Variants in ESPL1 observed in about 807,000 individuals in gnomAD.
ESPL1 encodes separin.
In ESPL1, 50 loss-of-function variants were observed where a neutral mutation model predicts 217.2. The observed-to-expected ratio is 0.23, with a 90% confidence interval of 0.18 to 0.29. ESPL1 has a LOEUF of 0.29. Ranked by LOEUF, ESPL1 falls within the 10% of genes least tolerant of loss-of-function variation. The pLI, the probability that ESPL1 is intolerant of heterozygous loss-of-function variation, is 1.00. For synonymous variants in ESPL1, 994 were observed against 1,081.3 expected (o/e 0.92, Z 1.58); for missense variants, 1,834 against 2,603.0 (o/e 0.70, Z 6.43).
At chr12:53,283,015 C>T in intron 14 of ESPL1, 114 bp from the exon 15 acceptor site, 1 of 1,364,488 alleles carries the variant, frequency 7.3e-7, no homozygotes. Flanking sequence ...GATTGATTAG[C>T]TCTGCCTGCC....
At position 53,286,789 on chromosome 12, in the gene ESPL1, C is replaced by T. The variant is rs113736228; in HGVS notation, c.4053C>T (p.Asp1351=). The change falls in exon 18 of 31, where the codon GAC becomes GAT. Residue 1351 remains aspartate, a synonymous_variant. Transcript: ENST00000257934. The surrounding 1 kb of genome is among the most constrained non-coding windows in gnomAD (Gnocchi z 5.3). ...TGCCCTGCACACCTAAACCCCCAGA[C>T]CGGATCAGGCAAGCTGGCCCTCATG... The part of the protein sequence containing the change: ...RGLPCTPKPP[D]RIRQAGPHVP... 31 of 1,614,160 alleles carry T rather than the reference C, an allele frequency of 1.9e-5. No homozygotes were observed. The African/African-American group carries it at 2.4e-4, about 12-fold the overall frequency.
rs539894607 is a variant in ESPL1 at position 53,277,563 on chromosome 12, C to T, written c.2179C>T (p.Arg727Cys). 3.0e-5 allele frequency: 49 copies of T among 1,614,120 alleles called. No homozygotes were observed. The highest frequency in any genetic ancestry group is 6.7e-5 in the East Asian group (3 of 44,880). Reference protein sequence around the residue: ...LNYEDKLQEDRFLYSNIAFNL... With the variant: ...LNYEDKLQEDCFLYSNIAFNL... ...CTATGAAGATAAACTCCAGGAAGAT[C>T]GTTTCCTATACAGTAACATTGCCTT... Residue 727 changes from arginine to cysteine, a missense_variant, in exon 10 of 31, where the codon CGT becomes TGT. Around this residue, in one of 5 missense-constraint regions of ESPL1, gnomAD observed 746 missense variants for 1,077.0 expected, o/e 0.69. Transcript: ENST00000257934.
At chr12:53,291,920 T>C (rs1356756678) in intron 26 of ESPL1, 60 bp downstream of exon 26, 1 of 1,597,528 alleles carries the variant, frequency 6.3e-7, no homozygotes, top group Non-Finnish European at 8.6e-7. Flanking sequence ...CTCATCCCCA[T>C]GCCCCTTCTG....
At position 53,286,680 on chromosome 12, in the gene ESPL1, G is replaced by C; in HGVS notation, c.3944G>C (p.Arg1315Pro). 1.2e-6 allele frequency: 2 copies of C among 1,614,128 alleles called. No individual in the cohort carries two copies. Among genetic ancestry groups the C allele is most frequent in the Non-Finnish European group, 1.7e-6 (2 of 1,180,032 alleles). ...CCCTCTAAGACTCAGGGCCAAAAAC[G>C]TTCTGGACGAGGGCGCCAAAAGTTA... ...SEPSKTQGQK[R>P]SGRGRQKLAS... Residue 1315 changes from arginine to proline, a missense_variant, in exon 18 of 31, where the codon CGT becomes CCT. Coordinates refer to ENST00000257934, the MANE Select transcript of ESPL1 (RefSeq NM_012291.5). The surrounding 1 kb of genome is among the most constrained non-coding windows in gnomAD (Gnocchi z 5.3).
chr12:53,269,115 A>G lies in ESPL1; in HGVS notation c.173A>G (p.Asn58Ser). ...QACDAILRAC[N>S]QQLTAKLACP... ...TGTGATGCCATCCTGAGGGCTTGCA[A>G]CCAGCAGCTGACTGCTAAGCTAGCT... Residue 58 changes from asparagine (N) to serine (S), a missense_variant, in exon 3 of 31, where the codon AAC (asparagine) becomes AGC (serine). By Grantham distance (46) the Asn-to-Ser change is conservative. Transcript: ENST00000257934. This position sits in a 1 kb window ranked among gnomAD's most constrained non-coding sequence, Gnocchi z 6.7. 1 of 1,614,110 alleles carries G rather than the reference A, an allele frequency of 6.2e-7. No homozygotes were observed. The highest frequency in any genetic ancestry group is 1.7e-5 in the Admixed American group (1 of 60,016).
intron 13 of ESPL1, 98 bp downstream of exon 13, chr12:53,281,724 A>C: frequency 2.5e-6 from 3 of 1,213,916 alleles, no homozygotes; most frequent in Non-Finnish European, 3.5e-6. Flanking sequence ...CCCTGGAGCT[A>C]GGCAGTATGT....
In ESPL1 at chr12:53,289,388, C is replaced by A. The variant is rs1288034604; in HGVS notation, c.4923-16C>A. 5.0e-6 allele frequency: 8 copies of A among 1,611,808 alleles called. No homozygotes were observed. Among genetic ancestry groups the A allele is most frequent in the Non-Finnish European group, 6.8e-6 (8 of 1,179,188 alleles). Reference sequence around the variant, plus strand: ...TTGAAGGAATGGGACCTCACCCCTCCCCGTGTTGCTTGCAGCAAGGCCCAG... The same window carrying A: ...TTGAAGGAATGGGACCTCACCCCTCACCGTGTTGCTTGCAGCAAGGCCCAG... On this transcript the variant is annotated splice_polypyrimidine_tract_variant and intron_variant, in intron 21 of 30. Transcript: ENST00000257934.
chr12:53,280,971 A>G (rs1943850955), intron 12 of ESPL1, among the ~76,000 whole-genome samples: 2 of 151,586 alleles, frequency 1.3e-5, no homozygotes, highest in South Asian at 4.2e-4. Context: ...CAGCCTGGGC[A>G]ACAAGAGCGA....
At chr12:53,285,561 T>C (rs1943933370) in intron 17 of ESPL1, among the ~76,000 whole-genome samples, 2 of 151,944 alleles carry the variant, frequency 1.3e-5, no homozygotes. Flanking sequence ...TACAAAAAAT[T>C]AGCCGGGCGT....
chr12:53,284,069 T>C lies in ESPL1; in HGVS notation c.3089T>C (p.Phe1030Ser). ...KLQIPRQCALFLVLKGELELA... is the reference protein window; with the variant it reads ...KLQIPRQCALSLVLKGELELA... The stretch of plus-strand genomic sequence containing the variant: ...CCTCTCTCAACAAGGTGTGCCCTGT[T>C]CCTGGTGCTGAAGGGCGAGCTGGAG... The change falls in exon 17 of 31, where the codon TTC becomes TCC. Residue 1030 changes from phenylalanine (F) to serine (S), a missense_variant. Physicochemically the swap from Phe to Ser is radical, Grantham distance 155. Transcript: ENST00000257934. The C allele has an allele frequency of 6.2e-7, 1 of 1,612,570 alleles. No homozygotes were observed. Among genetic ancestry groups the C allele is most frequent in the Non-Finnish European group, 8.5e-7 (1 of 1,178,566 alleles).
chr12:53,283,305 G>A (rs4454760), intron 15 of ESPL1, 48 bp downstream of exon 15: 1,600,275 of 1,613,448 alleles, frequency 0.99, 794,436 homozygotes, highest in East Asian at 1. Context: ...GACAGGCTAT[G>A]TGAGAGGGCT....
At chr12:53,284,511 C>T (rs1943914181) in intron 17 of ESPL1, among the ~76,000 whole-genome samples, 1 of 151,688 alleles carries the variant, frequency 6.6e-6, no homozygotes, top group Non-Finnish European at 1.5e-5. Flanking sequence ...CCGCCTCGGC[C>T]TCCTAAAGTG....
chr12:53,283,589 ACCC>A, intron 16 of ESPL1, 51 bp downstream of exon 16: 3 of 1,526,320 alleles, frequency 2.0e-6, no homozygotes, highest in Non-Finnish European at 2.7e-6. Context: ...AGTGCCATGC[ACCC>A]TTGAACATGG....
rs1317762768 is a variant in ESPL1, at chr12:53,277,528, A to G, written c.2144A>G (p.Asn715Ser). Residue 715 changes from asparagine to serine, a missense_variant, in exon 10 of 31, where the codon AAT becomes AGT. By Grantham distance (46) the Asn-to-Ser change is conservative. Transcript: ENST00000257934. ...GGTAACTTGGAGGAATTTGAAGTCA[A>G]TGACCTGAACTATGAAGATAAACTC... ...APGNLEEFEV[N>S]DLNYEDKLQE... The G allele has an allele frequency of 1.9e-6, 3 of 1,614,170 alleles. No homozygotes were observed. Among genetic ancestry groups the G allele is most frequent in the Non-Finnish European group, 2.5e-6 (3 of 1,179,980 alleles).
At chr12:53,278,067 A>G (rs1943801387) in intron 11 of ESPL1, 107 bp downstream of exon 11, 5 of 1,145,954 alleles carry the variant, frequency 4.4e-6, no homozygotes, top group Non-Finnish European at 6.3e-6. Context: ...CATGAAAGCC[A>G]GTGATGGAAG....
At position 53,276,626 on chromosome 12, in the gene ESPL1, G is replaced by A; in HGVS notation, c.1707G>A (p.Leu569=). 1 of 1,610,126 alleles carries A rather than the reference G, an allele frequency of 6.2e-7. No homozygotes were observed. The highest frequency in any genetic ancestry group is 8.5e-7 in the Non-Finnish European group (1 of 1,178,728). The change falls in exon 8 of 31, where the codon CTG becomes CTA. Residue 569 remains leucine, a synonymous_variant. Transcript: ENST00000257934. The stretch of plus-strand genomic sequence containing the variant: ...TGAGCATGCCCTCTCTCAGGACTCT[G>A]CGAGACAGCCTCAGTGGCTGGGACC... ...AGDKELQLKT[L]RDSLSGWDPE...
In ESPL1 at chr12:53,282,551, A is replaced by G. The variant is rs1943881334; in HGVS notation, c.2791+116A>G. 1 of 930,996 alleles carries G rather than the reference A, an allele frequency of 1.1e-6. No individual in the cohort carries two copies. Among genetic ancestry groups the G allele is most frequent in the Non-Finnish European group, 1.7e-6 (1 of 604,898 alleles). The allele number at this position is 930,996 out of a possible 1,614,324, so 57.7% of individuals were successfully genotyped here. On this transcript the variant is annotated intron_variant, in intron 14 of 30. Transcript: ENST00000257934. This position sits in a 1 kb window ranked among gnomAD's most constrained non-coding sequence, Gnocchi z 4.0. The stretch of plus-strand genomic sequence containing the variant: ...AACTATGTGGCCCAGCCTACCTAGA[A>G]CCTGCACAGAGTAGGCCTGGGATAG...
intron 9 of ESPL1, 78 bp downstream of exon 9, chr12:53,277,305 A>G: frequency 6.5e-7 from 1 of 1,530,408 alleles, no homozygotes; most frequent in South Asian, 1.2e-5. Context: ...AGTTGGTATC[A>G]GCCCTTTTTT....
intron 9 of ESPL1, 30 bp from the exon 10 acceptor site, chr12:53,277,440 C>T: frequency 2.5e-6 from 4 of 1,608,650 alleles, no homozygotes; most frequent in Non-Finnish European, 3.4e-6. Flanking sequence ...ACCACTGTGC[C>T]CTGTTTTATA....
Sources: allele counts gnomAD v4.1 joint callset (sites outside exome capture counted in the v4.1 genomes callset), GRCh38; gene constraint gnomAD v4.1.1; regional missense constraint gnomAD v4.1.1; non-coding constraint Gnocchi (gnomAD v3.1); transcripts MANE v1.5; gene names NCBI Gene and HGNC (gene_info 2026-07-23, HGNC 2026-07-21).